ERBB4: variants seen among roughly 807,000 people sequenced by gnomAD.
ERBB4 encodes the protein receptor tyrosine-protein kinase erbB-4.
Under a neutral mutation model 158.0 loss-of-function variants are expected in ERBB4, and 42 were observed. The observed-to-expected ratio is 0.27, with a 90% CI of 0.21 to 0.34. The LOEUF is 0.34. Among genes scored for constraint, ERBB4 ranks in the 10% least tolerant of loss-of-function variants. The probability of loss-of-function intolerance (pLI) is 1.00; values close to 1 mark genes in which losing one functional copy is unlikely to be tolerated. For synonymous variants in ERBB4, 583 were observed against 558.7 expected (o/e 1.04, Z -0.61); for missense variants, 1,333 against 1,624.1 (o/e 0.82, Z 3.08).
chr2:211,717,268 G>C (rs961662191), intron 7 of ERBB4, among the ~76,000 whole-genome samples: 11 of 152,162 alleles, frequency 7.2e-5, no homozygotes, highest in African/African-American at 2.7e-4. Flanking sequence ...CCTCAGTTTT[G>C]TAAGGATGGT....
chr2:211,665,194 T>G, intron 15 of ERBB4, 129 bp downstream of exon 15: 3 of 950,486 alleles, frequency 3.2e-6, no homozygotes, highest in Non-Finnish European at 5.1e-6. Flanking sequence ...TCTCTTAAAA[T>G]CAGCATTTTA....
At chr2:211,820,710 C>T (rs1392710514) in intron 3 of ERBB4, among the ~76,000 whole-genome samples, 2 of 151,794 alleles carry the variant, frequency 1.3e-5, no homozygotes, top group Admixed American at 1.3e-4. Flanking sequence ...GAAACCAAAT[C>T]TAACAACACA....
chr2:211,754,156 G>T (rs2075224024), intron 4 of ERBB4, among the ~76,000 whole-genome samples: 1 of 151,990 alleles, frequency 6.6e-6, no homozygotes, highest in Non-Finnish European at 1.5e-5. Flanking sequence ...CACCGCGCCT[G>T]GCCAAAAGTC....
At chr2:211,552,906 T>G (rs112020689) in intron 20 of ERBB4, among the ~76,000 whole-genome samples, 52 of 152,278 alleles carry the variant, frequency 3.4e-4, no homozygotes, top group African/African-American at 1.2e-3. Flanking sequence ...CTTAAGAATT[T>G]CCCCTGAGCT....
intron 2 of ERBB4, among the ~76,000 whole-genome samples, chr2:211,977,530 T>TAAAAAAAA (rs1394107563): frequency 7.5e-4 from 5 of 6,692 alleles, no homozygotes; most frequent in Non-Finnish European, 1.4e-3. Context: ...GATATTGACT[T>TAAAAAAAA]TAAAAAAAAA....
intron 3 of ERBB4, among the ~76,000 whole-genome samples, chr2:211,902,026 T>G (rs191216630): frequency 4.6e-5 from 7 of 152,208 alleles, no homozygotes; most frequent in Admixed American, 4.6e-4. Flanking sequence ...CAAAATAGTT[T>G]TTTTTTTAGT....
At chr2:211,847,170 G>A (rs1182727007) in intron 3 of ERBB4, among the ~76,000 whole-genome samples, 1 of 152,096 alleles carries the variant, frequency 6.6e-6, no homozygotes, top group Non-Finnish European at 1.5e-5. Flanking sequence ...CAATTATGCA[G>A]GGAGTCAGTT....
chr2:211,653,428 A>G (rs998943845), intron 16 of ERBB4, among the ~76,000 whole-genome samples: 14 of 151,996 alleles, frequency 9.2e-5, no homozygotes, highest in Admixed American at 2.0e-4. Context: ...CAAGACTGGA[A>G]ACATTTCACC....
At chr2:212,059,218 G>A (rs1023428769) in intron 2 of ERBB4, among the ~76,000 whole-genome samples, 1 of 151,984 alleles carries the variant, frequency 6.6e-6, no homozygotes, top group African/African-American at 2.4e-5. Flanking sequence ...AAAACACCTA[G>A]GAATCCAACT....
intron 1 of ERBB4, among the ~76,000 whole-genome samples, chr2:212,170,761 A>T (rs1305766389): frequency 6.6e-6 from 1 of 152,154 alleles, no homozygotes; most frequent in Non-Finnish European, 1.5e-5. Flanking sequence ...GGCACATGGA[A>T]GTCAAGAATT....
At chr2:211,702,223 G>C (rs1042288075) in intron 11 of ERBB4, 57 bp from the exon 12 acceptor site, 35 of 1,246,000 alleles carry the variant, frequency 2.8e-5, no homozygotes, top group Non-Finnish European at 1.1e-5. Context: ...AGTAAAATAA[G>C]GCTGTCACAT....
At chr2:211,735,505 C>A (rs1238579615) in intron 5 of ERBB4, among the ~76,000 whole-genome samples, 1 of 152,120 alleles carries the variant, frequency 6.6e-6, no homozygotes, top group Non-Finnish European at 1.5e-5. Flanking sequence ...AAATACAACG[C>A]CAAATAGCTA....
rs1559317051 is a variant in ERBB4, at chr2:211,580,807, TA to T, written c.2302-18720del. On this transcript the variant is annotated intron_variant, in intron 19 of 27. Coordinates refer to ENST00000342788, the MANE Select transcript of ERBB4 (RefSeq NM_005235.3). ...ATTGTGATATATATATATATATATA[TA>T]TATAATATATATATATTATATATAT... is the stretch of plus-strand genomic sequence containing the variant. Among the ~76,000 whole-genome samples, 28 of 55,684 alleles carry T rather than the reference TA, an allele frequency of 5.0e-4. 1 individual carries two copies. Among genetic ancestry groups the T allele is most frequent in the Non-Finnish European group, 7.6e-4 (27 of 35,738 alleles). 36.5% of individuals were successfully genotyped at this position (55,684 alleles called of 152,430 possible). A position where few individuals can be genotyped will look rare whatever the true frequency, so the allele number is the denominator to read the frequency against.
At chr2:212,062,358 A>G (rs1205608940) in intron 2 of ERBB4, among the ~76,000 whole-genome samples, 1 of 145,712 alleles carries the variant, frequency 6.9e-6, no homozygotes. Context: ...GTCTCACTCC[A>G]GCTTTCGTCT....
chr2:212,517,897 C>A (rs1036543612), intron 1 of ERBB4, among the ~76,000 whole-genome samples: 1 of 151,972 alleles, frequency 6.6e-6, no homozygotes, highest in African/African-American at 2.4e-5. Flanking sequence ...AAGTGAGCAA[C>A]CTTGTTATTA....
At chr2:211,812,634 C>A (rs1364180948) in intron 3 of ERBB4, among the ~76,000 whole-genome samples, 2 of 152,228 alleles carry the variant, frequency 1.3e-5, no homozygotes, top group African/African-American at 4.8e-5. Context: ...TCCAGCTATG[C>A]CCTGCCCCCA....
chr2:211,407,615 G>C (rs2063172651), intron 25 of ERBB4, among the ~76,000 whole-genome samples: 1 of 152,044 alleles, frequency 6.6e-6, no homozygotes, highest in Non-Finnish European at 1.5e-5. Flanking sequence ...ATAGTATTTG[G>C]AATTTTTCCC....
At chr2:212,030,028 C>T (rs773915620) in intron 2 of ERBB4, among the ~76,000 whole-genome samples, 5 of 152,122 alleles carry the variant, frequency 3.3e-5, no homozygotes, top group Admixed American at 2.0e-4. Flanking sequence ...ACATAAATAG[C>T]ACTTGTTGGG....
chr2:211,641,867 T>C (rs1019058423), intron 16 of ERBB4, among the ~76,000 whole-genome samples: 10 of 152,076 alleles, frequency 6.6e-5, no homozygotes, highest in African/African-American at 2.4e-4. Flanking sequence ...ATAATTATGC[T>C]TTCTTGGATT....
Sources: gnomAD v4.1 joint callset for allele counts (sites outside exome capture counted in the v4.1 genomes callset) on GRCh38, gnomAD v4.1.1 for gene constraint, MANE v1.5 for transcripts, NCBI Gene and HGNC (gene_info 2026-07-23, HGNC 2026-07-21) for gene names.